The following GALNT13 variants were observed in gnomAD, a reference collection of about 807,000 sequenced individuals.
GALNT13 encodes the protein polypeptide N-acetylgalactosaminyltransferase 13.
GALNT13 carries 28 observed loss-of-function variants against 64.2 expected under a neutral mutation model. That is an observed-to-expected ratio of 0.44 (90% confidence interval 0.32 to 0.60). GALNT13 has a LOEUF of 0.60. Ranked by LOEUF, GALNT13 falls within the 20% of genes least tolerant of loss-of-function variation. GALNT13 has a pLI of 0.05. For missense variants in GALNT13, 577 were observed against 669.8 expected (o/e 0.86, Z 1.53); for synonymous variants, 214 against 224.6 (o/e 0.95, Z 0.42).
the GALNT13 span, among the ~76,000 whole-genome samples, chr2:153,702,951 A>T: frequency 6.6e-6 from 1 of 152,164 alleles, no homozygotes; most frequent in Non-Finnish European, 1.5e-5. Context: ...AAGCTGGGAA[A>T]ATGAGGAGGA....
At chr2:153,274,117 C>T in the GALNT13 span, among the ~76,000 whole-genome samples, 1 of 152,056 alleles carries the variant, frequency 6.6e-6, no homozygotes, top group Non-Finnish European at 1.5e-5. Flanking sequence ...GCAGGATAAT[C>T]GCTGGAACCT....
chr2:153,567,229 T>C, the GALNT13 span, among the ~76,000 whole-genome samples: 1 of 152,220 alleles, frequency 6.6e-6, no homozygotes, highest in African/African-American at 2.4e-5. Context: ...ATTTCTGCCT[T>C]CTTCTCACTG....
chr2:153,593,750 A>G, the GALNT13 span, among the ~76,000 whole-genome samples: 4 of 152,164 alleles, frequency 2.6e-5, no homozygotes, highest in Admixed American at 2.6e-4. Flanking sequence ...TTAATGTTCA[A>G]TGTTCCACAC....
At chr2:154,338,599 G>A (rs1695584679) in intron 9 of GALNT13, among the ~76,000 whole-genome samples, 1 of 152,110 alleles carries the variant, frequency 6.6e-6, no homozygotes, top group Admixed American at 6.6e-5. Flanking sequence ...AGGAGGCAGA[G>A]GGAGGTGGTA....
At chr2:153,745,895 G>A in the GALNT13 span, among the ~76,000 whole-genome samples, 7 of 152,218 alleles carry the variant, frequency 4.6e-5, no homozygotes, top group East Asian at 1.4e-3. Flanking sequence ...GCCTGAAGCT[G>A]CTGTTCTGTA....
At chr2:154,176,348 C>T (rs1236107813) in intron 4 of GALNT13, among the ~76,000 whole-genome samples, 2 of 151,026 alleles carry the variant, frequency 1.3e-5, no homozygotes, top group Non-Finnish European at 2.9e-5. Context: ...GATCTTGGCT[C>T]ACTGCAACCT....
At chr2:154,001,957 G>A (rs1340736745) in intron 3 of GALNT13, among the ~76,000 whole-genome samples, 2 of 151,932 alleles carry the variant, frequency 1.3e-5, no homozygotes, top group African/African-American at 4.8e-5. Flanking sequence ...GTTTTTTTGT[G>A]TGTGTGTTTT....
intron 3 of GALNT13, among the ~76,000 whole-genome samples, chr2:153,969,254 T>C (rs958648879): frequency 1.6e-4 from 24 of 151,938 alleles, no homozygotes; most frequent in Non-Finnish European, 2.9e-4. Flanking sequence ...TAGAGAAAAA[T>C]ATTAATATAC....
At chr2:153,900,824 A>C (rs1688187252) in intron 1 of GALNT13, 112 bp from the exon 2 acceptor site, 1 of 152,036 alleles carries the variant, frequency 6.6e-6, no homozygotes, top group Admixed American at 6.6e-5. Context: ...ATTTTGTAAA[A>C]CCTATTTAAG....
chr2:153,313,075 G>A, the GALNT13 span, among the ~76,000 whole-genome samples: 1 of 152,144 alleles, frequency 6.6e-6, no homozygotes, highest in Non-Finnish European at 1.5e-5. Flanking sequence ...AAAAAGGGAT[G>A]CTTATACACT....
At chr2:153,222,574 A>G in the GALNT13 span, among the ~76,000 whole-genome samples, 1 of 151,954 alleles carries the variant, frequency 6.6e-6, no homozygotes, top group Non-Finnish European at 1.5e-5. Flanking sequence ...CACCATCAAC[A>G]TGTCATCCAT....
chr2:154,170,376 A>G (rs1409139176), intron 4 of GALNT13, among the ~76,000 whole-genome samples: 1 of 152,120 alleles, frequency 6.6e-6, no homozygotes, highest in Non-Finnish European at 1.5e-5. Flanking sequence ...AAAATTAACC[A>G]TCACACCCAC....
At chr2:154,195,796 A>G (rs1453204992) in intron 4 of GALNT13, among the ~76,000 whole-genome samples, 2 of 152,086 alleles carry the variant, frequency 1.3e-5, no homozygotes, top group Admixed American at 6.5e-5. Flanking sequence ...TTTTCCAAAC[A>G]CCCTGCACAG....
chr2:153,435,547 C>T, the GALNT13 span, among the ~76,000 whole-genome samples: 1 of 151,428 alleles, frequency 6.6e-6, no homozygotes, highest in Admixed American at 6.6e-5. Context: ...TCCTTCACGT[C>T]CCTTGTAAGT....
chr2:153,897,686 A>T (rs1047677255), intron 1 of GALNT13, among the ~76,000 whole-genome samples: 2 of 152,086 alleles, frequency 1.3e-5, no homozygotes, highest in African/African-American at 4.8e-5. Flanking sequence ...CTAAAATATT[A>T]TGGTGGTTTT....
At chr2:153,446,103 C>G in the GALNT13 span, among the ~76,000 whole-genome samples, 1 of 152,160 alleles carries the variant, frequency 6.6e-6, no homozygotes, top group Non-Finnish European at 1.5e-5. Flanking sequence ...GAGTCTGACT[C>G]ACTTCTCAAA....
intron 8 of GALNT13, among the ~76,000 whole-genome samples, chr2:154,287,621 C>A (rs915555031): frequency 2.0e-5 from 3 of 151,734 alleles, no homozygotes; most frequent in Non-Finnish European, 4.4e-5. Context: ...TTCTTCAGCT[C>A]AATAATTCCT....
intron 3 of GALNT13, among the ~76,000 whole-genome samples, chr2:154,091,576 C>T (rs1451334207): frequency 6.6e-6 from 1 of 151,606 alleles, no homozygotes; most frequent in Admixed American, 6.6e-5. Flanking sequence ...ATATTTCATT[C>T]TTAAATGTAT....
At chr2:154,149,157 T>C (rs1683814826) in intron 4 of GALNT13, among the ~76,000 whole-genome samples, 1 of 152,196 alleles carries the variant, frequency 6.6e-6, no homozygotes, top group Non-Finnish European at 1.5e-5. Flanking sequence ...GCTAGCCAGT[T>C]TTCCCAGCAC....
Sources: allele counts gnomAD v4.1 joint callset (sites outside exome capture counted in the v4.1 genomes callset), GRCh38; gene constraint gnomAD v4.1.1; transcripts MANE v1.5; gene names NCBI Gene and HGNC (gene_info 2026-07-23, HGNC 2026-07-21).